Variants in PCDHA7 observed in about 807,000 individuals in gnomAD.
The protein encoded by PCDHA7 is protocadherin alpha-7.
PCDHA7 carries 37 observed loss-of-function variants against 57.2 expected under a neutral mutation model. The ratio of observed to expected loss-of-function variants is 0.65; its 90% confidence interval spans 0.50 to 0.85. The LOEUF (loss-of-function observed/expected upper bound fraction) is 0.85. PCDHA7 is among the 40% of genes least tolerant of loss of function. The pLI, the probability that PCDHA7 is intolerant of heterozygous loss-of-function variation, is 0.00. For synonymous variants in PCDHA7, 553 were observed against 558.8 expected (o/e 0.99, Z 0.15); for missense variants, 1,188 against 1,241.8 (o/e 0.96, Z 0.65).
chr5:140,856,858 AGG>A, intron 1 of PCDHA7: 1 of 1,594,634 alleles, frequency 6.3e-7, no homozygotes, highest in Non-Finnish European at 8.6e-7. Context: ...ATTCGGATGA[AGG>A]AATAAACAAG....
At chr5:140,916,186 G>A (rs1321442931) in intron 1 of PCDHA7, among the ~76,000 whole-genome samples, 3 of 152,160 alleles carry the variant, frequency 2.0e-5, no homozygotes, top group Admixed American at 6.5e-5. Flanking sequence ...CTTCAAGGAA[G>A]TGGGCACCCC....
Position 141,010,227 on chromosome 5 carries a change from C to T in PCDHA7, c.*290C>T. 6.4e-7 allele frequency: 1 copy of T among 1,551,876 alleles called. No homozygotes were observed. The highest frequency in any genetic ancestry group is 8.7e-7 in the Non-Finnish European group (1 of 1,147,036). On this transcript the variant is annotated 3_prime_UTR_variant, in exon 4 of 4. Coordinates refer to ENST00000525929, the MANE Select transcript of PCDHA7 (RefSeq NM_018910.3). ...GCCGCAAAGGAGAGGCTTCCCAGCC[C>T]CGCCAGTGAGAGGTTGGACTCTCTG...
intron 1 of PCDHA7, chr5:140,856,680 T>C: frequency 6.3e-7 from 1 of 1,596,810 alleles, no homozygotes. Context: ...AAGTTGTTGT[T>C]GACAGCAACT....
At chr5:140,865,437 T>A (rs951308725) in intron 1 of PCDHA7, 1 of 152,200 alleles carries the variant, frequency 6.6e-6, no homozygotes, top group Non-Finnish European at 1.5e-5. Flanking sequence ...GAAAAATAAC[T>A]TCTGAGAAGA....
At chr5:140,979,817 A>G (rs1228260788) in intron 2 of PCDHA7, among the ~76,000 whole-genome samples, 1 of 152,262 alleles carries the variant, frequency 6.6e-6, no homozygotes, top group Non-Finnish European at 1.5e-5. Flanking sequence ...AAAAGGATTT[A>G]ATTTTAAAGA....
intron 1 of PCDHA7, among the ~76,000 whole-genome samples, chr5:140,888,521 C>A (rs191011552): frequency 1.3e-5 from 2 of 152,142 alleles, no homozygotes; most frequent in African/African-American, 2.4e-5. Context: ...TTAGTTCTGA[C>A]GTGAAGTTAA....
intron 1 of PCDHA7, among the ~76,000 whole-genome samples, chr5:140,887,995 G>A (rs537858803): frequency 8.5e-5 from 13 of 152,066 alleles, no homozygotes; most frequent in South Asian, 6.2e-4. Context: ...TGTCTCCACC[G>A]AATAGTCATC....
chr5:140,863,195 C>T (rs782227810), intron 1 of PCDHA7: 17 of 864,950 alleles, frequency 2.0e-5, no homozygotes, highest in Admixed American at 3.7e-5. Context: ...GTGGTGGCGT[C>T]GCTGGCGGAG....
chr5:140,918,502 C>A (rs1480204800), intron 1 of PCDHA7, among the ~76,000 whole-genome samples: 1 of 152,040 alleles, frequency 6.6e-6, no homozygotes, highest in Non-Finnish European at 1.5e-5. Context: ...TGGTACCAAT[C>A]CTTTTAAACT....
At chr5:140,868,942 C>A (rs1238492263) in intron 1 of PCDHA7, 2 of 1,255,934 alleles carry the variant, frequency 1.6e-6, no homozygotes, top group South Asian at 1.6e-5. Flanking sequence ...TTGGTCTGAA[C>A]AGTGAGGCAC....
rs2041539059 is a variant in PCDHA7, at chr5:140,850,345, G to A, written c.2355+13607G>A. On this transcript the variant is annotated intron_variant, in intron 1 of 3. Transcript: ENST00000525929. ...TACGAGCTGCAGCCAGAAACGGCCA[G>A]CGCGAGCATCCCGTTCCGCGTGGGG... 5.0e-6 allele frequency: 8 copies of A among 1,597,746 alleles called. 1 individual carries two copies. Among genetic ancestry groups the A allele is most frequent in the Non-Finnish European group, 6.9e-6 (8 of 1,167,738 alleles).
chr5:140,961,805 G>A (rs1554225601), intron 1 of PCDHA7, among the ~76,000 whole-genome samples: 1 of 151,810 alleles, frequency 6.6e-6, no homozygotes, highest in African/African-American at 2.4e-5. Context: ...AGGAAATTGG[G>A]TTCTCTAGTC....
intron 1 of PCDHA7, chr5:140,884,056 G>T (rs782776341): frequency 6.2e-7 from 1 of 1,613,358 alleles, no homozygotes; most frequent in Non-Finnish European, 8.5e-7. Flanking sequence ...AGGTGCGCGC[G>T]GTGGACGCCG....
At chr5:140,926,947 G>C in intron 1 of PCDHA7, 1 of 1,590,600 alleles carries the variant, frequency 6.3e-7, no homozygotes, top group Non-Finnish European at 8.6e-7. Context: ...CGGCGCTGCA[G>C]CGGGACAGCT....
chr5:140,877,674 G>C, intron 1 of PCDHA7: 2 of 1,613,630 alleles, frequency 1.2e-6, no homozygotes, highest in East Asian at 4.5e-5. Context: ...GGTGCGCGCC[G>C]GGCAAGCCCA....
At chr5:140,911,474 C>T (rs782702993) in intron 1 of PCDHA7, among the ~76,000 whole-genome samples, 45 of 152,144 alleles carry the variant, frequency 3.0e-4, no homozygotes, top group Non-Finnish European at 2.8e-4. Flanking sequence ...ATAAGACTCT[C>T]ACTCAGGGCA....
At chr5:140,840,854 C>T (rs2150309759) in intron 1 of PCDHA7, among the ~76,000 whole-genome samples, 10 of 151,908 alleles carry the variant, frequency 6.6e-5, no homozygotes, top group Admixed American at 2.6e-4. Flanking sequence ...TTCTTCCACA[C>T]GAAACTATGG....
chr5:140,863,782 C>T (rs570936581), intron 1 of PCDHA7: 24 of 228,258 alleles, frequency 1.1e-4, no homozygotes, highest in Non-Finnish European at 1.2e-4. Flanking sequence ...GCGGATCACT[C>T]GAGGCCAGGA....
chr5:140,856,824 T>C (rs1554149171), intron 1 of PCDHA7: 1 of 1,592,156 alleles, frequency 6.3e-7, no homozygotes, highest in Middle Eastern at 1.7e-4. Flanking sequence ...AACCAAACAT[T>C]AGTAATACGG....
Sources: allele counts gnomAD v4.1 joint callset (sites outside exome capture counted in the v4.1 genomes callset), GRCh38; gene constraint gnomAD v4.1.1; transcripts MANE v1.5; gene names NCBI Gene and HGNC (gene_info 2026-07-23, HGNC 2026-07-21).